The following NAV3 variants were observed in gnomAD, a reference collection of about 807,000 sequenced individuals.
The protein encoded by NAV3 is pore membrane and/or filament interacting like protein 1.
In NAV3, 87 loss-of-function variants were observed where a neutral mutation model predicts 244.7. That is an observed-to-expected ratio of 0.36 (90% CI 0.30 to 0.42). NAV3 has a LOEUF of 0.42. Among genes scored for constraint, NAV3 ranks in the 20% least tolerant of loss-of-function variants. The pLI is 1.00. For missense variants in NAV3, 2,663 were observed against 2,893.3 expected, an observed-to-expected ratio of 0.92 and a Z score of 1.83; for synonymous variants, 1,126 against 1,042.2, an observed-to-expected ratio of 1.08 and a Z score of -1.55.
chr12:77,584,204 A>G (rs1869496183), intron 2 of NAV3, among the ~76,000 whole-genome samples: 1 of 152,174 alleles, frequency 6.6e-6, no homozygotes, highest in African/African-American at 2.4e-5. Flanking sequence ...TGCTTGTCTC[A>G]TTCATCCTCG....
intron 12 of NAV3, among the ~76,000 whole-genome samples, chr12:78,093,744 A>G (rs1239906037): frequency 6.6e-6 from 1 of 152,204 alleles, no homozygotes; most frequent in East Asian, 1.9e-4. Flanking sequence ...CTTACCCCAA[A>G]TCATCTTTAA....
chr12:77,873,301 A>G (rs1881266839), intron 1 of NAV3, among the ~76,000 whole-genome samples: 1 of 152,116 alleles, frequency 6.6e-6, no homozygotes, highest in Non-Finnish European at 1.5e-5. Context: ...TTTTTAGTAT[A>G]TTAGTATATG....
chr12:78,161,011 G>A (rs1205943123), intron 23 of NAV3, among the ~76,000 whole-genome samples: 2 of 151,302 alleles, frequency 1.3e-5, no homozygotes, highest in African/African-American at 4.9e-5. Context: ...ACTTCACTAT[G>A]TAATATAAGA....
rs540138192 is a variant in NAV3, at chr12:77,977,712, G to GCACACACACA, written c.671+9030_671+9039dup. On this transcript the variant is annotated intron_variant, in intron 5 of 39. Transcript: ENST00000397909. Reference sequence around the variant, plus strand: ...TATACACACACACACACACACACGCGCACACACACACACACACACACACAC... The same window carrying GCACACACACA: ...TATACACACACACACACACACACGCGCACACACACACACACACACACACACACACACACAC... 8.5e-3 allele frequency among the ~76,000 whole-genome samples: 1,223 copies of GCACACACACA among 143,062 alleles called. 11 individuals carry two copies. The highest frequency in any genetic ancestry group is 0.023 in the South Asian group (104 of 4,500). The allele number at this position is 143,062 out of a possible 152,430, so 93.9% of individuals were successfully genotyped here.
intron 2 of NAV3, among the ~76,000 whole-genome samples, chr12:77,739,250 G>A (rs796966091): frequency 6.6e-6 from 1 of 152,082 alleles, no homozygotes; most frequent in South Asian, 2.1e-4. Flanking sequence ...ATAAATGTCA[G>A]CTGTTGTTTA....
At chr12:78,052,543 A>C (rs912228234) in intron 11 of NAV3, among the ~76,000 whole-genome samples, 3 of 152,212 alleles carry the variant, frequency 2.0e-5, no homozygotes, top group Non-Finnish European at 2.9e-5. Flanking sequence ...TAGTTTGCGC[A>C]ATGCTTGGCA....
At position 78,118,077 on chromosome 12, in the gene NAV3, T is replaced by C. The variant is rs1955500585; in HGVS notation, c.2820T>C (p.Ser940=). The C allele has an allele frequency of 1.2e-6, 2 of 1,613,682 alleles. No homozygotes were observed. Among genetic ancestry groups the C allele is most frequent in the Non-Finnish European group, 8.5e-7 (1 of 1,179,904 alleles). ...KRSTTDETWD[S]PEELKKPEED... ...CCACCACAGACGAGACCTGGGATAG[T>C]CCTGAGGAACTGAAAAAACCAGAAG... The change falls in exon 14 of 40, where the codon AGT becomes AGC. Residue 940 remains serine, a synonymous_variant. Coordinates refer to ENST00000397909, the MANE Select transcript of NAV3 (RefSeq NM_001024383.2).
intron 2 of NAV3, among the ~76,000 whole-genome samples, chr12:77,682,572 C>A (rs771788580): frequency 6.6e-6 from 1 of 152,082 alleles, no homozygotes; most frequent in Admixed American, 6.6e-5. Flanking sequence ...TTTTGAGGAA[C>A]CTATATACTG....
chr12:78,044,597 CTT>C (rs1881447289), intron 9 of NAV3, among the ~76,000 whole-genome samples: 1 of 152,068 alleles, frequency 6.6e-6, no homozygotes. Flanking sequence ...TGTGTCCTCT[CTT>C]ATTTCCTGGA....
rs569356017 is a variant in NAV3, at chr12:78,211,884, C to T, written c.*1367C>T. The T allele has an allele frequency of 6.5e-6, 1 of 152,704 alleles. No homozygotes were observed. The highest frequency in any genetic ancestry group is 1.5e-5 in the Non-Finnish European group (1 of 68,016). The allele number at this position is 152,704 out of a possible 1,614,324, so 9.5% of individuals were successfully genotyped here. On this transcript the variant is annotated 3_prime_UTR_variant, in exon 40 of 40. Transcript: ENST00000397909. ...TAAAAGAAGGTTAGATTTGCACAGT[C>T]TACTGGGTAGGTATTGTAAATAATA...
At chr12:77,920,907 T>C (rs1478512507) in intron 1 of NAV3, among the ~76,000 whole-genome samples, 4 of 152,110 alleles carry the variant, frequency 2.6e-5, no homozygotes, top group Non-Finnish European at 5.9e-5. Context: ...TTTGGATTCA[T>C]ATGAATTATT....
At chr12:78,025,941 T>C (rs1321291088) in intron 9 of NAV3, among the ~76,000 whole-genome samples, 1 of 152,194 alleles carries the variant, frequency 6.6e-6, no homozygotes, top group Non-Finnish European at 1.5e-5. Flanking sequence ...ATAAACCTCT[T>C]TTCTTCATAA....
At chr12:77,630,221 A>T (rs1592520923) in intron 2 of NAV3, among the ~76,000 whole-genome samples, 1 of 152,112 alleles carries the variant, frequency 6.6e-6, no homozygotes, top group African/African-American at 2.4e-5. Flanking sequence ...TCATTTTCAA[A>T]TTCCTCTCGT....
At chr12:77,867,425 G>T (rs920737412) in intron 1 of NAV3, among the ~76,000 whole-genome samples, 2 of 151,392 alleles carry the variant, frequency 1.3e-5, no homozygotes, top group Admixed American at 6.6e-5. Flanking sequence ...TGTTGTTGTT[G>T]TTGTTTGTTT....
At chr12:78,065,334 G>C (rs189845055) in intron 12 of NAV3, among the ~76,000 whole-genome samples, 29 of 152,250 alleles carry the variant, frequency 1.9e-4, no homozygotes, top group Admixed American at 1.8e-3. Flanking sequence ...CTGCCTGCCT[G>C]AGGCCGATTA....
intron 13 of NAV3, 76 bp downstream of exon 13, chr12:78,116,980 T>A (rs2138525907): frequency 6.7e-7 from 1 of 1,502,956 alleles, no homozygotes; most frequent in Non-Finnish European, 9.1e-7. Flanking sequence ...TAGATTAAGG[T>A]ATAGCACAAG....
At chr12:77,614,074 CTTTTTTTTTTTT>C (rs71440485) in intron 2 of NAV3, among the ~76,000 whole-genome samples, 125 of 95,678 alleles carry the variant, frequency 1.3e-3, no homozygotes, top group African/African-American at 4.1e-3. Flanking sequence ...TTCTTTCTCT[CTTTTTTTTTTTT>C]TTTTTTTTTT....
chr12:78,045,821 C>T (rs561820214), intron 9 of NAV3, among the ~76,000 whole-genome samples: 5 of 152,068 alleles, frequency 3.3e-5, no homozygotes, highest in East Asian at 1.9e-4. Context: ...AGCTCCTCTT[C>T]GTAGTTCTGT....
At chr12:77,648,016 A>G (rs996690032) in intron 2 of NAV3, among the ~76,000 whole-genome samples, 1 of 152,120 alleles carries the variant, frequency 6.6e-6, no homozygotes, top group Non-Finnish European at 1.5e-5. Flanking sequence ...CAACAAAGAG[A>G]AGAAAACAGG....
Sources: gnomAD v4.1 joint callset for allele counts (sites outside exome capture counted in the v4.1 genomes callset) on GRCh38, gnomAD v4.1.1 for gene constraint, MANE v1.5 for transcripts, NCBI Gene and HGNC (gene_info 2026-07-23, HGNC 2026-07-21) for gene names.